Variants in GALK2 observed in about 807,000 individuals in gnomAD.
GALK2 encodes N-acetylgalactosamine kinase.
In GALK2, 36 loss-of-function variants were observed where a neutral mutation model predicts 52.4. The ratio of observed to expected loss-of-function variants is 0.69; its 90% CI spans 0.53 to 0.91. The LOEUF (loss-of-function observed/expected upper bound fraction) is 0.91, where lower values mean the gene tolerates loss of function less well. Among genes scored for constraint, GALK2 ranks in the 40% least tolerant of loss-of-function variants. GALK2 has a pLI of 0.00. For missense variants in GALK2, 579 were observed against 559.1 expected, an observed-to-expected ratio of 1.04 and a Z score of -0.36; for synonymous variants, 176 against 199.1, an observed-to-expected ratio of 0.88 and a Z score of 0.98.
intron 9 of GALK2, among the ~76,000 whole-genome samples, chr15:49,324,906 AATTT>A (rs1161657211): frequency 3.3e-5 from 5 of 152,150 alleles, no homozygotes; most frequent in Non-Finnish European, 4.4e-5. Context: ...TTCCTGAAAT[AATTT>A]ATTTCATATC....
intron 1 of GALK2, among the ~76,000 whole-genome samples, chr15:49,192,493 A>G (rs1412683984): frequency 1.1e-3 from 31 of 28,214 alleles, no homozygotes; most frequent in Admixed American, 4.8e-3. Flanking sequence ...ATGTATATAT[A>G]TATATATATA....
chr15:49,269,261 C>A (rs2029986426), intron 5 of GALK2, among the ~76,000 whole-genome samples: 1 of 152,106 alleles, frequency 6.6e-6, no homozygotes, highest in African/African-American at 2.4e-5. Context: ...AAGTGCTGTA[C>A]AAGAGATCAA....
chr15:49,264,096 C>A (rs1473783585), intron 5 of GALK2, among the ~76,000 whole-genome samples: 1 of 151,714 alleles, frequency 6.6e-6, no homozygotes, highest in Non-Finnish European at 1.5e-5. Context: ...CTCTGGATTT[C>A]CTGAATCTGA....
At chr15:49,299,762 T>TCTTTCTTTCTTTC (rs2034897768) in intron 8 of GALK2, among the ~76,000 whole-genome samples, 1 of 142,184 alleles carries the variant, frequency 7.0e-6, no homozygotes, top group African/African-American at 2.7e-5. Flanking sequence ...TTTCTTTCTT[T>TCTTTCTTTCTTTC]CTTTCTTTCT....
intron 3 of GALK2, among the ~76,000 whole-genome samples, chr15:49,220,581 C>T (rs1325682306): frequency 6.6e-6 from 1 of 152,008 alleles, no homozygotes; most frequent in East Asian, 1.9e-4. Flanking sequence ...GATTTCTTTT[C>T]CTTTGGATAA....
chr15:49,325,521 TCTC>T (rs367594490), intron 9 of GALK2, among the ~76,000 whole-genome samples: 11 of 152,344 alleles, frequency 7.2e-5, no homozygotes, highest in South Asian at 6.2e-4. Context: ...CTTTCGGTCT[TCTC>T]AGAATTTCTA....
intron 3 of GALK2, among the ~76,000 whole-genome samples, chr15:49,344,927 C>A (rs370425522): frequency 9.8e-4 from 150 of 152,294 alleles, no homozygotes; most frequent in Non-Finnish European, 1.7e-3. Context: ...GAATATTATT[C>A]TTCTTGTAGA....
At chr15:49,222,500 C>T (rs2089866189) in intron 3 of GALK2, among the ~76,000 whole-genome samples, 1 of 152,022 alleles carries the variant, frequency 6.6e-6, no homozygotes, top group Admixed American at 6.6e-5. Flanking sequence ...TTCAACTTTT[C>T]TTTATTTGAT....
Position 49,170,269 on chromosome 15 carries a change from G to T in GALK2, c.-54G>T. ...GTCACAGAAGTCTCGTGATTGCTCTGGGAGCTTTGCTTAGACACTTGAAAC... is the reference window on the plus strand; with the variant it reads ...GTCACAGAAGTCTCGTGATTGCTCTTGGAGCTTTGCTTAGACACTTGAAAC... On this transcript the variant is annotated 5_prime_UTR_variant, in exon 1 of 10. Coordinates refer to ENST00000560031, the MANE Select transcript of GALK2 (RefSeq NM_002044.4). 6.4e-7 allele frequency: 1 copy of T among 1,554,868 alleles called. No homozygotes were observed. The highest frequency in any genetic ancestry group is 2.0e-5 in the Admixed American group (1 of 51,218).
chr15:49,216,386 A>G (rs939170259), intron 2 of GALK2, among the ~76,000 whole-genome samples: 1 of 152,118 alleles, frequency 6.6e-6, no homozygotes, highest in Non-Finnish European at 1.5e-5. Context: ...CTGAGCTGGT[A>G]CCCAAATTGC....
chr15:49,197,276 A>C (rs767677535), intron 1 of GALK2, among the ~76,000 whole-genome samples: 98 of 152,234 alleles, frequency 6.4e-4, no homozygotes, highest in Non-Finnish European at 1.2e-3. Context: ...AGTATTCAGC[A>C]TAATACATTC....
At chr15:49,275,956 A>C (rs2031587291) in intron 5 of GALK2, among the ~76,000 whole-genome samples, 1 of 152,230 alleles carries the variant, frequency 6.6e-6, no homozygotes, top group Admixed American at 6.5e-5. Context: ...AACCACACAA[A>C]GGGCTAAAGT....
At chr15:49,178,771 G>C (rs2085729191) in intron 1 of GALK2, 1 of 214,844 alleles carries the variant, frequency 4.7e-6, no homozygotes. Context: ...TTGCCAGACG[G>C]AAAGGAAAGA....
chr15:49,266,195 C>G (rs207475478), intron 5 of GALK2, among the ~76,000 whole-genome samples: 1 of 152,024 alleles, frequency 6.6e-6, no homozygotes, highest in Non-Finnish European at 1.5e-5. Flanking sequence ...ATGGAGATCT[C>G]CAGCTTCCAA....
chr15:49,279,097 G>C (rs1453410659), intron 5 of GALK2, among the ~76,000 whole-genome samples: 2 of 152,206 alleles, frequency 1.3e-5, no homozygotes, highest in South Asian at 2.1e-4. Context: ...CCCTTGACAC[G>C]TAGGGATTAT....
chr15:49,277,453 C>T (rs1310527590), intron 5 of GALK2, among the ~76,000 whole-genome samples: 2 of 141,026 alleles, frequency 1.4e-5, no homozygotes, highest in East Asian at 4.5e-4. Context: ...CAGGCGTGAG[C>T]CACCGCACCC....
intron 8 of GALK2, among the ~76,000 whole-genome samples, chr15:49,317,300 G>A (rs957051452): frequency 1.3e-5 from 2 of 151,616 alleles, no homozygotes; most frequent in Non-Finnish European, 2.9e-5. Context: ...GCCAAAAAAC[G>A]TGAAAAAAAG....
At chr15:49,188,443 T>C (rs57785991) in intron 1 of GALK2, among the ~76,000 whole-genome samples, 28,616 of 152,192 alleles carry the variant, frequency 0.19, 2,850 homozygotes, top group South Asian at 0.21. Flanking sequence ...ATAATCACTG[T>C]ACTCCTCCAT....
downstream of GALK2, among the ~76,000 whole-genome samples, chr15:49,333,397 A>G (rs1329996474): frequency 2.0e-5 from 3 of 152,196 alleles, no homozygotes; most frequent in Admixed American, 1.3e-4. Flanking sequence ...GTGCCATTGC[A>G]TTAATCATAT....
Sources: allele counts gnomAD v4.1 joint callset (sites outside exome capture counted in the v4.1 genomes callset), GRCh38; gene constraint gnomAD v4.1.1; transcripts MANE v1.5; gene names NCBI Gene and HGNC (gene_info 2026-07-23, HGNC 2026-07-21).